MGAT4C: variants seen among roughly 807,000 people sequenced by gnomAD.
The protein encoded by MGAT4C is alpha-1,3-mannosyl-glycoprotein 4-beta-N-acetylglucosaminyltransferase C.
MGAT4C carries 19 observed loss-of-function variants against 40.1 expected under a neutral mutation model. The observed-to-expected ratio is 0.47, with a 90% CI of 0.33 to 0.70. The LOEUF (loss-of-function observed/expected upper bound fraction) is 0.70. MGAT4C is among the 30% of genes least tolerant of loss of function. The pLI, the probability that MGAT4C is intolerant of heterozygous loss-of-function variation, is 0.02. For synonymous variants in MGAT4C, 181 were observed against 187.1 expected (o/e 0.97, Z 0.27); for missense variants, 491 against 563.2 (o/e 0.87, Z 1.30).
intron 2 of MGAT4C, among the ~76,000 whole-genome samples, chr12:86,667,578 G>T (rs531805844): frequency 6.6e-6 from 1 of 152,078 alleles, no homozygotes; most frequent in African/African-American, 2.4e-5. Context: ...GGCAAAAACC[G>T]CATTTACTTT....
intron 3 of MGAT4C, among the ~76,000 whole-genome samples, chr12:86,354,536 T>C (rs1415342684): frequency 2.0e-5 from 3 of 151,956 alleles, no homozygotes; most frequent in Non-Finnish European, 4.4e-5. Context: ...CAAAAAGAAA[T>C]AGAAGTTATA....
At chr12:86,330,101 C>T (rs1954626848) in intron 4 of MGAT4C, among the ~76,000 whole-genome samples, 1 of 152,002 alleles carries the variant, frequency 6.6e-6, no homozygotes, top group Admixed American at 6.6e-5. Flanking sequence ...ATTAAGAAAA[C>T]CATAGAAGCA....
At chr12:86,730,378 A>T (rs1950888639) in intron 1 of MGAT4C, among the ~76,000 whole-genome samples, 1 of 109,626 alleles carries the variant, frequency 9.1e-6, no homozygotes, top group Non-Finnish European at 2.1e-5. Flanking sequence ...AAGTCATATC[A>T]TCTTTTTCAA....
intron 3 of MGAT4C, among the ~76,000 whole-genome samples, chr12:86,354,621 C>A (rs983775749): frequency 2.0e-5 from 3 of 151,912 alleles, no homozygotes; most frequent in African/African-American, 7.3e-5. Context: ...AATGAAATGA[C>A]AAAGGAAAGA....
chr12:86,161,787 G>A (rs1343690872), intron 1 of MGAT4C, among the ~76,000 whole-genome samples: 2 of 151,862 alleles, frequency 1.3e-5, no homozygotes, highest in African/African-American at 4.8e-5. Context: ...AGAATCTATA[G>A]GGGACTTAAA....
At chr12:86,088,089 C>T (rs1335494394) in intron 1 of MGAT4C, among the ~76,000 whole-genome samples, 1 of 151,982 alleles carries the variant, frequency 6.6e-6, no homozygotes, top group Non-Finnish European at 1.5e-5. Flanking sequence ...CTACAAACAT[C>T]TGTACTTCAA....
chr12:86,830,209 G>GT (rs1287987169), intron 1 of MGAT4C, among the ~76,000 whole-genome samples: 1 of 151,272 alleles, frequency 6.6e-6, no homozygotes, highest in East Asian at 2.0e-4. Flanking sequence ...CTGTATGCCC[G>GT]TTTGTGCTTT....
At chr12:86,691,136 A>G (rs1381021757) in intron 2 of MGAT4C, among the ~76,000 whole-genome samples, 3 of 152,146 alleles carry the variant, frequency 2.0e-5, no homozygotes, top group Non-Finnish European at 2.9e-5. Context: ...TCCATCTTTA[A>G]GTCTTACTAC....
chr12:86,274,362 G>A (rs567957189), intron 4 of MGAT4C, among the ~76,000 whole-genome samples: 7 of 152,032 alleles, frequency 4.6e-5, no homozygotes, highest in African/African-American at 1.7e-4. Context: ...TTAAAAAGTG[G>A]ATATCATCTA....
At chr12:86,797,475 A>C (rs1001940843) in intron 1 of MGAT4C, among the ~76,000 whole-genome samples, 3 of 151,886 alleles carry the variant, frequency 2.0e-5, no homozygotes, top group African/African-American at 7.2e-5. Context: ...TAATTGCCAA[A>C]TGTAACAGAT....
At chr12:85,980,568 T>A in intron 4 of MGAT4C, 138 bp from the exon 5 acceptor site, 2 of 697,056 alleles carry the variant, frequency 2.9e-6, no homozygotes, top group Non-Finnish European at 4.5e-6. Context: ...CACAGAACAT[T>A]TTATGATTAA....
intron 4 of MGAT4C, among the ~76,000 whole-genome samples, chr12:86,309,699 T>C (rs887203406): frequency 1.3e-5 from 2 of 152,216 alleles, no homozygotes; most frequent in African/African-American, 4.8e-5. Flanking sequence ...AAGCAAAATA[T>C]AGATTTTTCT....
chr12:86,712,158 G>T (rs1321671308), intron 2 of MGAT4C, among the ~76,000 whole-genome samples: 1 of 151,992 alleles, frequency 6.6e-6, no homozygotes, highest in Non-Finnish European at 1.5e-5. Context: ...GATACGTTTG[G>T]AGAATAAATA....
At chr12:86,519,617 T>C (rs1330781716) in intron 2 of MGAT4C, among the ~76,000 whole-genome samples, 7 of 152,178 alleles carry the variant, frequency 4.6e-5, no homozygotes, top group Non-Finnish European at 8.8e-5. Flanking sequence ...TGTAATGATA[T>C]CTCATTTTGG....
chr12:86,043,256 T>C (rs1304611221), intron 2 of MGAT4C, among the ~76,000 whole-genome samples: 2 of 152,100 alleles, frequency 1.3e-5, no homozygotes, highest in East Asian at 3.9e-4. Context: ...AGTCACAAGG[T>C]GAAGTCCCAC....
rs539410456 is a variant in MGAT4C, at chr12:86,239,535, C to T, written c.-57+16704G>A. On this transcript the variant is annotated intron_variant, in intron 1 of 4. Coordinates refer to ENST00000611864, the MANE Select transcript of MGAT4C (RefSeq NM_001351288.2). Reference sequence around the variant, plus strand: ...TTTCATATCCTTTCAGATATCTTTTCCAAGTGAAGTTCAAAAATCTTCATA... The same window carrying T: ...TTTCATATCCTTTCAGATATCTTTTTCAAGTGAAGTTCAAAAATCTTCATA... Among the ~76,000 whole-genome samples the T allele has an allele frequency of 2.6e-5, 4 of 151,932 alleles. No homozygotes were observed. In the South Asian group the frequency reaches 8.3e-4, roughly 32 times the overall value.
intron 1 of MGAT4C, among the ~76,000 whole-genome samples, chr12:86,229,163 T>G (rs1422345029): frequency 6.6e-6 from 1 of 151,836 alleles, no homozygotes; most frequent in Non-Finnish European, 1.5e-5. Flanking sequence ...AATAATTAAT[T>G]TTACTATAGC....
At chr12:86,678,930 T>C (rs1265802054) in intron 2 of MGAT4C, among the ~76,000 whole-genome samples, 2 of 152,092 alleles carry the variant, frequency 1.3e-5, no homozygotes, top group Non-Finnish European at 2.9e-5. Flanking sequence ...TTTATAGTCC[T>C]TTGGGTATAT....
intron 1 of MGAT4C, chr12:86,068,333 G>A (rs1414525750): frequency 2.6e-5 from 4 of 152,002 alleles, no homozygotes; most frequent in Non-Finnish European, 4.4e-5. Context: ...ATTAGGAAAA[G>A]TAGCAAGTTT....
Sources: gnomAD v4.1 joint callset for allele counts (sites outside exome capture counted in the v4.1 genomes callset) on GRCh38, gnomAD v4.1.1 for gene constraint, MANE v1.5 for transcripts, NCBI Gene and HGNC (gene_info 2026-07-23, HGNC 2026-07-21) for gene names.